Variants in SYK observed in about 807,000 individuals in gnomAD.
SYK encodes the protein tyrosine-protein kinase SYK.
In SYK, 16 loss-of-function variants were observed where a neutral mutation model predicts 77.8. The observed-to-expected ratio is 0.21, with a 90% CI of 0.14 to 0.31. The LOEUF (loss-of-function observed/expected upper bound fraction) is 0.31. SYK is among the 10% of genes least tolerant of loss of function. The pLI is 1.00. For synonymous variants in SYK, 312 were observed against 308.7 expected, an observed-to-expected ratio of 1.01 and a Z score of -0.11; for missense variants, 529 against 814.4, an observed-to-expected ratio of 0.65 and a Z score of 4.26.
chr9:90,849,374 G>A (rs1292383194), intron 3 of SYK, among the ~76,000 whole-genome samples: 1 of 152,134 alleles, frequency 6.6e-6, no homozygotes, highest in East Asian at 1.9e-4. Context: ...CAGGCCTGTG[G>A]GCTGGCCCTT....
At chr9:90,806,593 G>A (rs1193349198) in intron 1 of SYK, among the ~76,000 whole-genome samples, 1 of 152,104 alleles carries the variant, frequency 6.6e-6, no homozygotes, top group Non-Finnish European at 1.5e-5. Context: ...CATACTCTTT[G>A]TTGTAACATC....
At chr9:90,865,156 A>G (rs1427394898) in intron 6 of SYK, 59 bp downstream of exon 6, 12 of 1,514,694 alleles carry the variant, frequency 7.9e-6, no homozygotes, top group Non-Finnish European at 1.0e-5. Flanking sequence ...ACAAATGAAA[A>G]GCATGTTTTA....
chr9:90,864,435 C>T (rs980004479), intron 4 of SYK, among the ~76,000 whole-genome samples, 154 bp from the exon 5 acceptor site: 4 of 152,232 alleles, frequency 2.6e-5, no homozygotes, highest in African/African-American at 7.2e-5. Flanking sequence ...CCCACTTCCC[C>T]AGCCACCCTT....
At chr9:90,814,725 G>A (rs1016580000) in intron 1 of SYK, among the ~76,000 whole-genome samples, 3 of 152,156 alleles carry the variant, frequency 2.0e-5, no homozygotes, top group African/African-American at 7.2e-5. Context: ...GAGGGCACCA[G>A]GAGTGCCCTC....
chr9:90,864,723 T>G, intron 5 of SYK, 56 bp downstream of exon 5: 3 of 1,509,712 alleles, frequency 2.0e-6, no homozygotes, highest in Non-Finnish European at 2.8e-6. Flanking sequence ...ACAATCAGCC[T>G]CATTTTAGAC....
At chr9:90,832,112 C>T (rs536801473) in intron 1 of SYK, among the ~76,000 whole-genome samples, 1 of 152,240 alleles carries the variant, frequency 6.6e-6, no homozygotes, top group South Asian at 2.1e-4. Context: ...AAAGTTGTAA[C>T]CAGAGGATCA....
At chr9:90,808,131 C>T (rs1461954908) in intron 1 of SYK, among the ~76,000 whole-genome samples, 2 of 152,082 alleles carry the variant, frequency 1.3e-5, no homozygotes, top group African/African-American at 4.8e-5. Flanking sequence ...CTTTCCCTCT[C>T]CTTTGCCATT....
chr9:90,837,443 A>G (rs1297499909), intron 1 of SYK, among the ~76,000 whole-genome samples: 1 of 152,086 alleles, frequency 6.6e-6, no homozygotes, highest in East Asian at 1.9e-4. Context: ...CTGGATCATC[A>G]TGATGCAACT....
Position 90,870,874 on chromosome 9 carries a change from G to A in SYK, c.916-3330G>A, listed in dbSNP as rs545451115. Among the ~76,000 whole-genome samples the A allele has an allele frequency of 6.6e-5, 10 of 152,256 alleles. No homozygotes were observed. The East Asian group carries it at 1.9e-3, about 29-fold the overall frequency. On this transcript the variant is annotated intron_variant, in intron 7 of 13. Transcript: ENST00000375754. ...ACTGCTGTTGCCTAATTTGAAAATG[G>A]CCCAAGAATCTGGGAGTAAAAATTA...
At chr9:90,836,450 G>A (rs977524046) in intron 1 of SYK, among the ~76,000 whole-genome samples, 1 of 151,946 alleles carries the variant, frequency 6.6e-6, no homozygotes, top group Non-Finnish European at 1.5e-5. Flanking sequence ...ATTCACAGTC[G>A]AGGAAAATGT....
chr9:90,871,381 A>G (rs290230), intron 7 of SYK, among the ~76,000 whole-genome samples: 51,953 of 152,160 alleles, frequency 0.34, 9,483 homozygotes, highest in East Asian at 0.54. Flanking sequence ...AACATAAAGA[A>G]TAAAAGGTTA....
chr9:90,882,466 G>A (rs1001272579), intron 11 of SYK, among the ~76,000 whole-genome samples: 9 of 152,354 alleles, frequency 5.9e-5, no homozygotes, highest in African/African-American at 1.7e-4. Flanking sequence ...GGTGACATCA[G>A]CAGAAGATAA....
chr9:90,813,473 G>T (rs910957568), intron 1 of SYK, among the ~76,000 whole-genome samples: 1 of 152,168 alleles, frequency 6.6e-6, no homozygotes, highest in African/African-American at 2.4e-5. Flanking sequence ...CTCTCTGGGG[G>T]CAGAGTGGTT....
rs2118826572 is a variant in SYK at position 90,867,209 on chromosome 9, C to T, written c.915+10C>T. ...GCCTGGCCACAGAAAGGTGCTAAAGCAACCCCTGCTTGCTGTCCAACTAAG... is the reference window on the plus strand; with the variant it reads ...GCCTGGCCACAGAAAGGTGCTAAAGTAACCCCTGCTTGCTGTCCAACTAAG... On this transcript the variant is annotated intron_variant, in intron 7 of 13. Transcript: ENST00000375754. The T allele has an allele frequency of 1.2e-6, 2 of 1,614,062 alleles. No individual in the cohort carries two copies. The highest frequency in any genetic ancestry group is 1.7e-6 in the Non-Finnish European group (2 of 1,179,930).
chr9:90,820,296 G>A (rs1478814092), intron 1 of SYK, among the ~76,000 whole-genome samples: 1 of 152,232 alleles, frequency 6.6e-6, no homozygotes, highest in Non-Finnish European at 1.5e-5. Flanking sequence ...TGCCCCAGTA[G>A]GGACTCTGTG....
At chr9:90,806,620 C>T (rs1174901664) in intron 1 of SYK, among the ~76,000 whole-genome samples, 1 of 152,138 alleles carries the variant, frequency 6.6e-6, no homozygotes, top group East Asian at 1.9e-4. Context: ...ATTAATATGC[C>T]TCTTGTTAAC....
rs542404363 is a variant in SYK, at chr9:90,805,266, C to T, written c.-42+3373C>T. ...ACTGTGAGCTTTCTGGTCCTCTGCT[C>T]AGAGGTGTCTAGCTCTGAAACTGGG... On this transcript the variant is annotated intron_variant, in intron 1 of 13. Coordinates refer to ENST00000375754, the MANE Select transcript of SYK (RefSeq NM_003177.7). Among the ~76,000 whole-genome samples, 18 of 152,280 alleles carry T rather than the reference C, an allele frequency of 1.2e-4. No individual in the cohort carries two copies. In the South Asian group the frequency reaches 2.7e-3, roughly 23 times the overall value.
intron 6 of SYK, 50 bp from the exon 7 acceptor site, chr9:90,867,081 A>T: frequency 6.2e-7 from 1 of 1,603,488 alleles, no homozygotes; most frequent in Non-Finnish European, 8.5e-7. Context: ...GGGATCCTGT[A>T]TTTGTTTTCT....
At chr9:90,866,730 A>G (rs1827513396) in intron 6 of SYK, among the ~76,000 whole-genome samples, 1 of 152,220 alleles carries the variant, frequency 6.6e-6, no homozygotes, top group Non-Finnish European at 1.5e-5. Context: ...AACTCAATTA[A>G]TTTCCACAAA....
Sources: gnomAD v4.1 joint callset for allele counts (sites outside exome capture counted in the v4.1 genomes callset) on GRCh38, gnomAD v4.1.1 for gene constraint, MANE v1.5 for transcripts, NCBI Gene and HGNC (gene_info 2026-07-23, HGNC 2026-07-21) for gene names.